Variants in CCDC178 observed in about 807,000 individuals in gnomAD.
CCDC178 encodes the protein coiled-coil domain-containing protein 178.
In CCDC178, 126 loss-of-function variants were observed where a neutral mutation model predicts 117.4. The observed-to-expected ratio is 1.07, with a 90% CI of 0.93 to 1.24. The LOEUF (loss-of-function observed/expected upper bound fraction) is 1.24, where lower values mean the gene tolerates loss of function less well. CCDC178 is among the 50% of genes most tolerant of loss of function. CCDC178 has a pLI of 0.00. For synonymous variants in CCDC178, 283 were observed against 313.4 expected, an observed-to-expected ratio of 0.90 and a Z score of 1.02; for missense variants, 1,030 against 986.9, an observed-to-expected ratio of 1.04 and a Z score of -0.59.
chr18:33,413,288 T>A (rs1191456973), intron 2 of CCDC178, among the ~76,000 whole-genome samples: 1 of 152,096 alleles, frequency 6.6e-6, no homozygotes, highest in Non-Finnish European at 1.5e-5. Context: ...CTAGTGCTCT[T>A]CCAAATAAAC....
At chr18:33,021,568 A>G (rs1161930547) in intron 21 of CCDC178, among the ~76,000 whole-genome samples, 2 of 152,086 alleles carry the variant, frequency 1.3e-5, no homozygotes, top group African/African-American at 4.8e-5. Flanking sequence ...CAACACACAC[A>G]AAACTTTTCC....
chr18:33,253,540 A>C lies in CCDC178; in HGVS notation c.1410-8112T>G, dbSNP rs2059641331. 2.0e-5 allele frequency among the ~76,000 whole-genome samples: 3 copies of C among 151,992 alleles called. No individual in the cohort carries two copies. The South Asian group carries it at 6.2e-4, about 32-fold the overall frequency. Reference sequence around the variant, plus strand: ...GACTAAGGGGAAGGTGATTCAGATAAATGGTAGAGTTAAAAAAGATAAAAA... The same window carrying C: ...GACTAAGGGGAAGGTGATTCAGATACATGGTAGAGTTAAAAAAGATAAAAA... On this transcript the variant is annotated intron_variant, in intron 14 of 22. Transcript: ENST00000383096.
intron 15 of CCDC178, among the ~76,000 whole-genome samples, chr18:33,233,369 T>C (rs563654020): frequency 3.3e-5 from 5 of 152,220 alleles, no homozygotes; most frequent in East Asian, 3.9e-4. Flanking sequence ...TTTTTATATA[T>C]GTAAAATTGG....
intron 20 of CCDC178, among the ~76,000 whole-genome samples, chr18:33,162,346 T>G (rs1419362301): frequency 6.6e-6 from 1 of 152,188 alleles, no homozygotes; most frequent in Non-Finnish European, 1.5e-5. Flanking sequence ...AAAAAAATAA[T>G]TTGTTAAAGT....
chr18:33,195,504 C>T lies in CCDC178; in HGVS notation c.2238+16392G>A, dbSNP rs74559605. 1.1e-4 allele frequency among the ~76,000 whole-genome samples: 17 copies of T among 152,208 alleles called. No individual in the cohort carries two copies. In the East Asian group the frequency reaches 3.1e-3, roughly 28 times the overall value. On this transcript the variant is annotated intron_variant, in intron 20 of 22. Transcript: ENST00000383096. The stretch of plus-strand genomic sequence containing the variant: ...AACCTTAAGCTCAACACACACATAA[C>T]TTCATTCTGCAGCTCTTTTCTTGCC...
At chr18:32,979,757 T>A (rs1421844333) in intron 21 of CCDC178, among the ~76,000 whole-genome samples, 1 of 152,152 alleles carries the variant, frequency 6.6e-6, no homozygotes, top group Non-Finnish European at 1.5e-5. Flanking sequence ...ACTGAGAATA[T>A]GTAATGAGAC....
At position 33,358,657 on chromosome 18, in the gene CCDC178, A is replaced by G. The variant is rs144488444; in HGVS notation, c.349-2311T>C. On this transcript the variant is annotated intron_variant, in intron 6 of 22. Transcript: ENST00000383096. ...ATTTCACATTATTGAGCAAATCTCC[A>G]AAGAAAAATTAAAATTTTAGTAGCT... 2.8e-3 allele frequency among the ~76,000 whole-genome samples: 423 copies of G among 152,066 alleles called. 1 individual carries two copies. The highest frequency in any genetic ancestry group is 9.9e-3 in the African/African-American group (410 of 41,558).
At chr18:33,375,003 T>C (rs1029073632) in intron 5 of CCDC178, among the ~76,000 whole-genome samples, 1 of 152,134 alleles carries the variant, frequency 6.6e-6, no homozygotes, top group African/African-American at 2.4e-5. Context: ...TCTGGAAAGA[T>C]GGAAATTTCT....
At chr18:33,335,656 T>C (rs1198996724) in intron 9 of CCDC178, among the ~76,000 whole-genome samples, 5 of 152,082 alleles carry the variant, frequency 3.3e-5, no homozygotes, top group Non-Finnish European at 7.4e-5. Flanking sequence ...TAAATTAATT[T>C]TATGTAATAT....
chr18:33,033,811 T>C (rs2056391356), intron 21 of CCDC178, among the ~76,000 whole-genome samples: 1 of 152,030 alleles, frequency 6.6e-6, no homozygotes, highest in Admixed American at 6.6e-5. Flanking sequence ...TTTCAATTCT[T>C]ACCTTACTTA....
chr18:33,389,393 C>A (rs2063535764), intron 5 of CCDC178, 147 bp downstream of exon 5: 1 of 344,860 alleles, frequency 2.9e-6, no homozygotes. Context: ...TACATTATAT[C>A]TTTACTATTA....
chr18:33,308,452 G>T (rs1317708813), intron 11 of CCDC178, among the ~76,000 whole-genome samples: 2 of 152,148 alleles, frequency 1.3e-5, no homozygotes, highest in Non-Finnish European at 1.5e-5. Context: ...TGATTTTACA[G>T]GTTCATGGGC....
At chr18:33,409,520 G>A (rs2063822985) in intron 3 of CCDC178, among the ~76,000 whole-genome samples, 1 of 152,162 alleles carries the variant, frequency 6.6e-6, no homozygotes, top group Non-Finnish European at 1.5e-5. Flanking sequence ...TTTCACAGAA[G>A]TTAGTAAATA....
chr18:33,112,415 G>A (rs1006818364), intron 20 of CCDC178, among the ~76,000 whole-genome samples: 6 of 151,784 alleles, frequency 4.0e-5, no homozygotes, highest in African/African-American at 1.2e-4. Context: ...AAGTAGAAGC[G>A]ACATGATCAT....
chr18:33,027,868 A>C (rs940188793), intron 21 of CCDC178, among the ~76,000 whole-genome samples: 2 of 151,722 alleles, frequency 1.3e-5, no homozygotes, highest in Admixed American at 1.3e-4. Flanking sequence ...ATATTTTGAT[A>C]TTTGGGCAAC....
At chr18:33,089,867 TA>T (rs2057436494) in intron 21 of CCDC178, among the ~76,000 whole-genome samples, 1 of 151,972 alleles carries the variant, frequency 6.6e-6, no homozygotes, top group Admixed American at 6.6e-5. Flanking sequence ...CACGGAAGTA[TA>T]ATCTGTTTTT....
At chr18:33,363,858 A>G (rs1351617721) in intron 6 of CCDC178, among the ~76,000 whole-genome samples, 1 of 152,074 alleles carries the variant, frequency 6.6e-6, no homozygotes, top group African/African-American at 2.4e-5. Context: ...AGTATTAATC[A>G]TGTGGCAATG....
chr18:33,210,303 C>T (rs535220342), intron 20 of CCDC178, among the ~76,000 whole-genome samples: 1 of 151,878 alleles, frequency 6.6e-6, no homozygotes, highest in Admixed American at 6.6e-5. Flanking sequence ...GATCAGTGCC[C>T]AGAAAAAATC....
At chr18:32,973,904 A>G (rs1439006343) in intron 22 of CCDC178, among the ~76,000 whole-genome samples, 1 of 152,188 alleles carries the variant, frequency 6.6e-6, no homozygotes, top group African/African-American at 2.4e-5. Flanking sequence ...ATGGTAAAAC[A>G]TTAATTTTTT....
Sources: gnomAD v4.1 joint callset for allele counts (sites outside exome capture counted in the v4.1 genomes callset) on GRCh38, gnomAD v4.1.1 for gene constraint, MANE v1.5 for transcripts, NCBI Gene and HGNC (gene_info 2026-07-23, HGNC 2026-07-21) for gene names.